The following CSMD1 variants were observed in gnomAD, a reference collection of about 807,000 sequenced individuals.
CSMD1 encodes the protein CUB and sushi domain-containing protein 1.
CSMD1 carries 213 observed loss-of-function variants against 417.5 expected under a neutral mutation model. The ratio of observed to expected loss-of-function variants is 0.51; its 90% CI spans 0.46 to 0.57. The LOEUF is 0.57. Ranked by LOEUF, CSMD1 falls within the 20% of genes least tolerant of loss-of-function variation. The probability of loss-of-function intolerance (pLI) is 0.00; values close to 1 mark genes in which losing one functional copy is unlikely to be tolerated. For synonymous variants in CSMD1, 2,862 were observed against 1,736.8 expected (o/e 1.65, Z -16.11); for missense variants, 6,923 against 4,529.7 (o/e 1.53, Z -15.17).
At chr8:4,390,108 C>T (rs543465014) in intron 3 of CSMD1, among the ~76,000 whole-genome samples, 1 of 152,176 alleles carries the variant, frequency 6.6e-6, no homozygotes, top group Admixed American at 6.5e-5. Flanking sequence ...ATTTGGTATT[C>T]CATAATTTTT....
chr8:4,662,171 A>G (rs1158453064), intron 1 of CSMD1, among the ~76,000 whole-genome samples: 2 of 152,174 alleles, frequency 1.3e-5, no homozygotes, highest in Non-Finnish European at 2.9e-5. Flanking sequence ...AAAACCCCCT[A>G]TTAAATCCTT....
chr8:3,733,084 C>T (rs1252127760), intron 6 of CSMD1, among the ~76,000 whole-genome samples: 1 of 151,626 alleles, frequency 6.6e-6, no homozygotes, highest in East Asian at 1.9e-4. Context: ...ATAAAAGTGA[C>T]ACAAACTTTA....
intron 6 of CSMD1, among the ~76,000 whole-genome samples, chr8:3,735,710 C>G (rs1162551301): frequency 6.6e-6 from 1 of 152,164 alleles, no homozygotes; most frequent in Non-Finnish European, 1.5e-5. Context: ...AATTCATGGA[C>G]AACAGAAACT....
chr8:3,422,364 A>G (rs1351836602), intron 12 of CSMD1, among the ~76,000 whole-genome samples: 1 of 152,158 alleles, frequency 6.6e-6, no homozygotes, highest in Non-Finnish European at 1.5e-5. Context: ...CTGAAAGAGG[A>G]ACCAAGAATC....
intron 3 of CSMD1, among the ~76,000 whole-genome samples, chr8:4,061,878 A>C (rs1263279511): frequency 6.6e-6 from 1 of 152,198 alleles, no homozygotes. Context: ...TGACTTGACA[A>C]CTTCTGAGCA....
intron 3 of CSMD1, among the ~76,000 whole-genome samples, chr8:4,285,587 A>G (rs1797016479): frequency 6.6e-6 from 1 of 152,232 alleles, no homozygotes; most frequent in African/African-American, 2.4e-5. Flanking sequence ...ATTTTGGACC[A>G]GGCAGCTGGG....
In CSMD1 at chr8:4,300,360, T is replaced by C. The variant is rs143840580; in HGVS notation, c.415+119593A>G. Among the ~76,000 whole-genome samples the C allele has an allele frequency of 7.4e-3, 1,120 of 152,270 alleles. 10 individuals carry two copies. Among genetic ancestry groups the C allele is most frequent in the South Asian group, 0.021 (101 of 4,824 alleles). On this transcript the variant is annotated intron_variant, in intron 3 of 69. Transcript: ENST00000635120. ...AATATTAAAAGGTAAAAATAAAATA[T>C]ATAAACTTTATTTCTCAATATATGC...
intron 23 of CSMD1, among the ~76,000 whole-genome samples, chr8:3,328,875 AGTCTTAAG>A (rs564036695): frequency 1.3e-4 from 20 of 152,362 alleles, no homozygotes; most frequent in Admixed American, 1.3e-3. Context: ...ATCCATGAAG[AGTCTTAAG>A]GTCATTATAT....
At chr8:3,297,844 GAAA>G (rs139862404) in intron 25 of CSMD1, among the ~76,000 whole-genome samples, 5,339 of 151,476 alleles carry the variant, frequency 0.035, 202 homozygotes, top group Admixed American at 0.11. Context: ...TAACCGTAAA[GAAA>G]AAAAATGAGT....
chr8:3,913,453 C>A (rs540953560), intron 5 of CSMD1, among the ~76,000 whole-genome samples: 2 of 152,284 alleles, frequency 1.3e-5, no homozygotes, highest in South Asian at 4.1e-4. Flanking sequence ...GGAAATGTAA[C>A]CTCCAGACTG....
At chr8:4,431,002 C>T (rs923562417) in intron 2 of CSMD1, among the ~76,000 whole-genome samples, 2 of 152,110 alleles carry the variant, frequency 1.3e-5, no homozygotes, top group African/African-American at 4.8e-5. Context: ...TGCCACTTTT[C>T]TCTGGAAAGA....
At chr8:3,949,748 G>T (rs1372653993) in intron 5 of CSMD1, among the ~76,000 whole-genome samples, 2 of 152,110 alleles carry the variant, frequency 1.3e-5, no homozygotes, top group Admixed American at 6.5e-5. Flanking sequence ...ATCCCACCAG[G>T]ATCTCCAAGA....
intron 10 of CSMD1, among the ~76,000 whole-genome samples, chr8:3,529,042 G>C (rs1285496929): frequency 2.0e-5 from 3 of 152,136 alleles, no homozygotes; most frequent in African/African-American, 4.8e-5. Flanking sequence ...TTTCGAACAA[G>C]GCTCACTTTA....
intron 1 of CSMD1, among the ~76,000 whole-genome samples, chr8:4,805,303 C>A (rs771987121): frequency 1.3e-5 from 2 of 152,196 alleles, no homozygotes; most frequent in African/African-American, 2.4e-5. Context: ...ATGCAATATG[C>A]TTCATGTTAT....
chr8:4,284,265 G>C (rs1451121809), intron 3 of CSMD1, among the ~76,000 whole-genome samples: 2 of 152,114 alleles, frequency 1.3e-5, no homozygotes, highest in Non-Finnish European at 2.9e-5. Context: ...CTGCTCGCGA[G>C]GCTGAGACAC....
intron 5 of CSMD1, among the ~76,000 whole-genome samples, chr8:3,915,939 G>T (rs1321482007): frequency 1.3e-5 from 2 of 150,688 alleles, no homozygotes; most frequent in African/African-American, 2.4e-5. Flanking sequence ...ACATAAACTG[G>T]CTCCAAACTT....
intron 1 of CSMD1, among the ~76,000 whole-genome samples, chr8:4,962,196 T>TAA (rs1328621034): frequency 9.3e-4 from 133 of 143,280 alleles, no homozygotes; most frequent in Middle Eastern, 3.6e-3. Flanking sequence ...TGCTTTTTTT[T>TAA]TAAAAAAAAA....
chr8:4,348,527 G>C (rs1214699789), intron 3 of CSMD1, among the ~76,000 whole-genome samples: 3 of 150,580 alleles, frequency 2.0e-5, no homozygotes, highest in Admixed American at 6.6e-5. Flanking sequence ...AAGATTTTGA[G>C]AGTTGTATCA....
chr8:4,601,335 C>A (rs1407932785), intron 2 of CSMD1, among the ~76,000 whole-genome samples: 1 of 152,142 alleles, frequency 6.6e-6, no homozygotes, highest in African/African-American at 2.4e-5. Flanking sequence ...CCCTTGGAGA[C>A]AGAGGTGGAG....
Sources: gnomAD v4.1 joint callset for allele counts (sites outside exome capture counted in the v4.1 genomes callset) on GRCh38, gnomAD v4.1.1 for gene constraint, MANE v1.5 for transcripts, NCBI Gene and HGNC (gene_info 2026-07-23, HGNC 2026-07-21) for gene names.